The following TMPRSS5 variants were observed in gnomAD, a reference collection of about 807,000 sequenced individuals.
TMPRSS5 encodes the protein transmembrane protease serine 5.
A neutral mutation model predicts 59.7 loss-of-function variants in TMPRSS5; 45 were observed. That is an observed-to-expected ratio of 0.75 (90% CI 0.59 to 0.97). The LOEUF (loss-of-function observed/expected upper bound fraction) is 0.97. Among genes scored for constraint, TMPRSS5 ranks in the 50% least tolerant of loss-of-function variants. The pLI, the probability that TMPRSS5 is intolerant of heterozygous loss-of-function variation, is 0.00. For missense variants in TMPRSS5, 585 were observed against 596.7 expected (o/e 0.98, Z 0.20); for synonymous variants, 225 against 232.0 (o/e 0.97, Z 0.27).
chr11:113,689,683 C>T (rs928773145), intron 12 of TMPRSS5, 82 bp downstream of exon 12: 26 of 1,485,364 alleles, frequency 1.8e-5, no homozygotes, highest in Admixed American at 6.1e-5. Context: ...CAGCAGGGCC[C>T]GGGCCTAAGG....
chr11:113,693,287 G>T, intron 8 of TMPRSS5, 38 bp from the exon 9 acceptor site: 1 of 1,480,372 alleles, frequency 6.8e-7, no homozygotes. Flanking sequence ...GAAGGAAGGG[G>T]CAGAAGAGGT....
At chr11:113,702,645 A>T (rs1014869133) in intron 1 of TMPRSS5, among the ~76,000 whole-genome samples, 4 of 152,216 alleles carry the variant, frequency 2.6e-5, no homozygotes, top group African/African-American at 9.6e-5. Flanking sequence ...ACCAGACCAG[A>T]GGCCCAGGAG....
intron 1 of TMPRSS5, among the ~76,000 whole-genome samples, chr11:113,701,567 C>G (rs1449901410): frequency 6.6e-6 from 1 of 151,156 alleles, no homozygotes; most frequent in African/African-American, 2.4e-5. Context: ...GTTCTCAGAT[C>G]AAAACTTTGA....
rs970949424 is a variant in TMPRSS5, at chr11:113,700,127, A to C, written c.45T>G (p.Tyr15Ter). The change falls in exon 2 of 13, where the codon TAT becomes TAG. Residue 15 changes from tyrosine to a stop codon, truncating the protein, a stop_gained. Coordinates refer to ENST00000299882, the MANE Select transcript of TMPRSS5 (RefSeq NM_030770.4). LOFTEE classifies it high-confidence loss of function. ...LDDQPPMEAQYAEEGPGPGIF... is the reference protein window; with the variant it reads ...LDDQPPMEAQ ...TCCCAGGTCCTGGGCCCTCCTCTGC[A>C]TACTGGGCCTCCATAGGGGGTTGGT... The C allele has an allele frequency of 9.5e-6, 15 of 1,585,598 alleles. No homozygotes were observed. In the South Asian group the frequency reaches 1.7e-4, roughly 18 times the overall value.
At position 113,690,884 on chromosome 11, in the gene TMPRSS5, C is replaced by G; in HGVS notation, c.1020G>C (p.Ser340=). 6.3e-7 allele frequency: 1 copy of G among 1,597,310 alleles called. No homozygotes were observed. The highest frequency in any genetic ancestry group is 1.7e-4 in the Middle Eastern group (1 of 6,040). Residue 340 remains serine (S), a synonymous_variant, in exon 10 of 13, where the codon TCG becomes TCC. Transcript: ENST00000299882. The stretch of plus-strand genomic sequence containing the variant: ...GGCCCCAGCCAGACACCCAGCACCG[C>G]GAGCCCTTCGGAAAATGCTGTTCCT... The part of the protein sequence containing the change: ...PAKEQHFPKG[S]RCWVSGWGHT...
intron 1 of TMPRSS5, among the ~76,000 whole-genome samples, chr11:113,701,577 A>G (rs1193842353): frequency 2.0e-5 from 3 of 151,794 alleles, no homozygotes; most frequent in African/African-American, 4.8e-5. Flanking sequence ...CAAAACTTTG[A>G]CAAATGTGTA....
At position 113,693,235 on chromosome 11, in the gene TMPRSS5, C is replaced by T. The variant is rs772020621; in HGVS notation, c.800G>A (p.Arg267His). The T allele has an allele frequency of 2.9e-5, 46 of 1,566,782 alleles. 1 individual carries two copies. Among genetic ancestry groups the T allele is most frequent in the South Asian group, 2.8e-4 (24 of 84,350 alleles). Reference protein sequence around the residue: ...AHCMHSFRLARLSSWRVHAGL... With the variant: ...AHCMHSFRLAHLSSWRVHAGL... ...CGCATGAACCCGCCAGCTGGACAGG[C>T]GGGCCAGCCTGAAACTGCACACAGG... The change falls in exon 9 of 13, where the codon CGC becomes CAC. Residue 267 changes from arginine to histidine, a missense_variant. Physicochemically the swap from Arg to His is conservative, Grantham distance 29. Coordinates refer to ENST00000299882, the MANE Select transcript of TMPRSS5 (RefSeq NM_030770.4).
Position 113,689,780 on chromosome 11 carries a change from G to A in TMPRSS5, c.1344C>T (p.Ile448=), listed in dbSNP as rs867445301. 3 of 1,610,778 alleles carry A rather than the reference G, an allele frequency of 1.9e-6. No individual in the cohort carries two copies. Among genetic ancestry groups the A allele is most frequent in the Non-Finnish European group, 2.5e-6 (3 of 1,178,728 alleles). Residue 448 remains isoleucine (I), a synonymous_variant, in exon 12 of 13, where the codon ATC becomes ATT. Transcript: ENST00000299882. Reference sequence around the variant, plus strand: ...CCACACTCACCTGAGCAGTGTCATGGATCCAGTCCAGAAACTCAGCTACCT... The same window carrying A: ...CCACACTCACCTGAGCAGTGTCATGAATCCAGTCCAGAAACTCAGCTACCT... The part of the protein sequence containing the change: ...YAKVAEFLDW[I]HDTAQDSLL
intron 12 of TMPRSS5, 135 bp from the exon 13 acceptor site, chr11:113,688,409 C>T (rs1484132426): frequency 1.5e-6 from 1 of 650,504 alleles, no homozygotes; most frequent in East Asian, 2.8e-5. Context: ...ATATCTGCTG[C>T]TCAAGATTTT....
chr11:113,697,961 TAAG>T (rs1455398266), intron 4 of TMPRSS5, among the ~76,000 whole-genome samples: 1 of 152,156 alleles, frequency 6.6e-6, no homozygotes, highest in Middle Eastern at 3.2e-3. Flanking sequence ...ACAGGGCCTT[TAAG>T]AAGGTGATTA....
Position 113,688,182 on chromosome 11 carries a change from C to T in TMPRSS5, c.*78G>A. On this transcript the variant is annotated 3_prime_UTR_variant, in exon 13 of 13. Coordinates refer to ENST00000299882, the MANE Select transcript of TMPRSS5 (RefSeq NM_030770.4). ...TCTGTGTCGGAGGCTACTGCCTCTC[C>T]TCCATTAGTGGAGCTGCTGGAGGCC... is the stretch of plus-strand genomic sequence containing the variant. 6.5e-7 allele frequency: 1 copy of T among 1,531,540 alleles called. No individual in the cohort carries two copies. The highest frequency in any genetic ancestry group is 8.8e-7 in the Non-Finnish European group (1 of 1,139,344). 94.9% of individuals were successfully genotyped at this position (1,531,540 alleles called of 1,614,324 possible). A position where few individuals can be genotyped will look rare whatever the true frequency, so the allele number is the denominator to read the frequency against.
chr11:113,705,544 CA>C (rs35498059), intron 1 of TMPRSS5, among the ~76,000 whole-genome samples: 6,342 of 152,290 alleles, frequency 0.042, 488 homozygotes, highest in East Asian at 0.33. Flanking sequence ...TGGTTTGTAT[CA>C]AACCACACAC....
At chr11:113,692,702 T>C (rs187899551) in intron 9 of TMPRSS5, among the ~76,000 whole-genome samples, 17 of 152,246 alleles carry the variant, frequency 1.1e-4, no homozygotes, top group Non-Finnish European at 1.0e-4. Context: ...AGAGAAGATA[T>C]TTGAAAAAAT....
rs552414734 is a variant in TMPRSS5, at chr11:113,688,491, C to A, written c.1360-217G>T. On this transcript the variant is annotated intron_variant, in intron 12 of 12. Coordinates refer to ENST00000299882, the MANE Select transcript of TMPRSS5 (RefSeq NM_030770.4). ...TCCGAATGTATTATCTACCAACCCCCACCCCTGCCCAACCTTAGAGGAAGA... is the reference window on the plus strand; with the variant it reads ...TCCGAATGTATTATCTACCAACCCCAACCCCTGCCCAACCTTAGAGGAAGA... Among the ~76,000 whole-genome samples, 5 of 152,320 alleles carry A rather than the reference C, an allele frequency of 3.3e-5. No homozygotes were observed. In the South Asian group the frequency reaches 1.0e-3, roughly 32 times the overall value.
At chr11:113,703,010 G>A (rs750090304) in intron 1 of TMPRSS5, among the ~76,000 whole-genome samples, 2 of 152,238 alleles carry the variant, frequency 1.3e-5, no homozygotes, top group Non-Finnish European at 2.9e-5. Flanking sequence ...CCCACACAGA[G>A]TTCCCACTGG....
At position 113,693,082 on chromosome 11, in the gene TMPRSS5, A is replaced by C. The variant is rs779322276; in HGVS notation, c.953T>G (p.Leu318Arg). 261 of 1,523,202 alleles carry C rather than the reference A, an allele frequency of 1.7e-4. No homozygotes were observed. Among genetic ancestry groups the C allele is most frequent in the Non-Finnish European group, 2.1e-4 (234 of 1,128,722 alleles). 94.4% of individuals were successfully genotyped at this position (1,523,202 alleles called of 1,614,324 possible). The change falls in exon 9 of 13, where the codon CTC (leucine) becomes CGC (arginine). Residue 318 changes from leucine (L) to arginine (R), a missense_variant. Leu to Arg is a moderately radical substitution (Grantham distance 102). Transcript: ENST00000299882. ...DVALLRLQTA[L>R]NFSDTVGAVC... The stretch of plus-strand genomic sequence containing the variant: ...AGCCAGTGCCGCACCTGAGAAGTTG[A>C]GAGCGGTCTGGAGCCTCAGGAGGGC...
chr11:113,692,726 T>A (rs1340818352), intron 9 of TMPRSS5, among the ~76,000 whole-genome samples: 1 of 152,128 alleles, frequency 6.6e-6, no homozygotes, highest in African/African-American at 2.4e-5. Flanking sequence ...TCTCATAAAC[T>A]GTAACATGGC....
rs1388192357 is a variant in TMPRSS5, at chr11:113,699,265, CTCT to C, written c.206-241_206-239del. ...TCTCTCTCTCTCTCTCTCTCTCTCT[CTCT>C]CTCCCTCTCTCTCTCTCTCTCTCTG... On this transcript the variant is annotated intron_variant, in intron 3 of 12. Transcript: ENST00000299882. 1.3e-4 allele frequency among the ~76,000 whole-genome samples: 13 copies of C among 102,416 alleles called. 1 individual carries two copies. The East Asian group carries it at 3.2e-3, about 25-fold the overall frequency. The allele number at this position is 102,416 out of a possible 152,430, so 67.2% of individuals were successfully genotyped here. A position where few individuals can be genotyped will look rare whatever the true frequency, so the allele number is the denominator to read the frequency against.
chr11:113,689,896 C>G lies in TMPRSS5; in HGVS notation c.1228G>C (p.Val410Leu). 1 of 1,566,246 alleles carries G rather than the reference C, an allele frequency of 6.4e-7. No homozygotes were observed. Among genetic ancestry groups the G allele is most frequent in the Non-Finnish European group, 8.7e-7 (1 of 1,155,414 alleles). ...ACQGDSGGPL[V>L]CPDGDTWRLV... Reference sequence around the variant, plus strand: ...CGCCATGTGTCCCCATCTGGGCACACTAGGGGGCCCCCGCTATCTCCCTAA... The same window carrying G: ...CGCCATGTGTCCCCATCTGGGCACAGTAGGGGGCCCCCGCTATCTCCCTAA... The change falls in exon 12 of 13, where the codon GTG becomes CTG. Residue 410 changes from valine (V) to leucine (L), a missense_variant. Transcript: ENST00000299882.
Sources: gnomAD v4.1 joint callset for allele counts (sites outside exome capture counted in the v4.1 genomes callset) on GRCh38, gnomAD v4.1.1 for gene constraint, MANE v1.5 for transcripts, NCBI Gene and HGNC (gene_info 2026-07-23, HGNC 2026-07-21) for gene names.